The following VWDE variants were observed in gnomAD, a reference collection of about 807,000 sequenced individuals.
The protein encoded by VWDE is von Willebrand factor D and EGF domain-containing protein.
In VWDE, 207 loss-of-function variants were observed where a neutral mutation model predicts 178.4. The ratio of observed to expected loss-of-function variants is 1.16; its 90% confidence interval spans 1.04 to 1.30. The LOEUF (loss-of-function observed/expected upper bound fraction) is 1.30, where lower values mean the gene tolerates loss of function less well. Ranked by LOEUF, VWDE falls within the 50% of genes most tolerant of loss-of-function variation. The probability of loss-of-function intolerance (pLI) is 0.00; values close to 1 mark genes in which losing one functional copy is unlikely to be tolerated. For missense variants in VWDE, 2,287 were observed against 1,901.3 expected (o/e 1.20, Z -3.77); for synonymous variants, 738 against 651.4 (o/e 1.13, Z -2.02).
rs140913945 is a variant in VWDE, at chr7:12,394,114, C to G, written c.59-336G>C. ...CAAGTCACAGGACCTACAAGGATTTCTCTTGGGCCTGGTCCTCTGGATTTG... is the reference window on the plus strand; with the variant it reads ...CAAGTCACAGGACCTACAAGGATTTGTCTTGGGCCTGGTCCTCTGGATTTG... On this transcript the variant is annotated intron_variant, in intron 1 of 28. Transcript: ENST00000275358. Among the ~76,000 whole-genome samples, 882 of 152,282 alleles carry G rather than the reference C, an allele frequency of 5.8e-3. 5 individuals carry two copies. The highest frequency in any genetic ancestry group is 0.011 in the Non-Finnish European group (715 of 68,024).
At chr7:12,336,332 T>G in intron 26 of VWDE, 96 bp from the exon 27 acceptor site, 3 of 995,126 alleles carry the variant, frequency 3.0e-6, no homozygotes, top group Middle Eastern at 3.2e-4. Context: ...AAAAAAGAAA[T>G]AGTTACAAGT....
intron 9 of VWDE, among the ~76,000 whole-genome samples, chr7:12,373,550 C>T (rs569424985): frequency 1.8e-4 from 28 of 152,164 alleles, no homozygotes; most frequent in South Asian, 8.3e-4. Flanking sequence ...AATGGCTTTT[C>T]GTAACCACTC....
chr7:12,377,732 T>G (rs1481791346), intron 7 of VWDE, 44 bp downstream of exon 7: 1 of 1,255,264 alleles, frequency 8.0e-7, no homozygotes, highest in Admixed American at 3.2e-5. Flanking sequence ...AAAGCATTAT[T>G]GTTTGCAATC....
chr7:12,390,811 A>C (rs1174093170), intron 2 of VWDE, among the ~76,000 whole-genome samples: 1 of 152,026 alleles, frequency 6.6e-6, no homozygotes, highest in Admixed American at 6.5e-5. Context: ...AAAAATTATC[A>C]CTATGTTTTA....
intron 7 of VWDE, 25 bp from the exon 8 acceptor site, chr7:12,375,252 A>T: frequency 1.3e-6 from 2 of 1,521,158 alleles, no homozygotes; most frequent in Non-Finnish European, 1.8e-6. Context: ...AATAGGTTTA[A>T]AAATTTCCAA....
chr7:12,380,818 C>T lies in VWDE; in HGVS notation c.542-85G>A, dbSNP rs570540492. On this transcript the variant is annotated intron_variant, in intron 4 of 28. Transcript: ENST00000275358. ...GAAAAAGCACTCAAAGACTATAACT[C>T]TGTGGTTTATCTTAAGAAAAAGCAA... 44 of 1,450,052 alleles carry T rather than the reference C, an allele frequency of 3.0e-5. 1 individual carries two copies. Among genetic ancestry groups the T allele is most frequent in the Non-Finnish European group, 9.2e-7 (1 of 1,088,072 alleles). The allele number at this position is 1,450,052 out of a possible 1,614,324, so 89.8% of individuals were successfully genotyped here.
chr7:12,402,431 G>C (rs116964351), intron 1 of VWDE, among the ~76,000 whole-genome samples: 2 of 152,246 alleles, frequency 1.3e-5, no homozygotes, highest in Non-Finnish European at 2.9e-5. Flanking sequence ...TAAAGAACTT[G>C]ACAATGTTAC....
chr7:12,368,606 C>T (rs1186254845), intron 12 of VWDE, among the ~76,000 whole-genome samples: 2 of 152,062 alleles, frequency 1.3e-5, no homozygotes, highest in Non-Finnish European at 2.9e-5. Flanking sequence ...CTCAGACTAC[C>T]TAGGGTCTTC....
intron 24 of VWDE, among the ~76,000 whole-genome samples, chr7:12,338,549 A>T (rs1781158327): frequency 6.6e-6 from 1 of 152,146 alleles, no homozygotes; most frequent in Non-Finnish European, 1.5e-5. Context: ...GAAATAAATT[A>T]TTTATACAAA....
chr7:12,331,655 A>T (rs1014158296), intron 28 of VWDE, among the ~76,000 whole-genome samples: 6 of 152,116 alleles, frequency 3.9e-5, no homozygotes, highest in Non-Finnish European at 8.8e-5. Flanking sequence ...GGTACTTCAC[A>T]TATATTAACA....
Position 12,372,980 on chromosome 7 carries a change from G to C in VWDE, c.1584C>G (p.Val528=). 6.4e-7 allele frequency: 1 copy of C among 1,550,736 alleles called. No homozygotes were observed. Among genetic ancestry groups the C allele is most frequent in the Non-Finnish European group, 8.7e-7 (1 of 1,146,408 alleles). ...AATGTTAAAGAATCATACATACTGT[G>C]ACTTTTCTTCCTAAGTAAGATTCAC... ...KISESYLGRK[V]TIWFSSGAFI... Residue 528 remains valine (V), a synonymous_variant, in exon 10 of 29, where the codon GTC becomes GTG. Transcript: ENST00000275358.
rs1381732302 is a variant in VWDE, at chr7:12,380,620, T to G, written c.655A>C (p.Asn219His). The G allele has an allele frequency of 6.4e-7, 1 of 1,552,214 alleles. No homozygotes were observed. The highest frequency in any genetic ancestry group is 8.7e-7 in the Non-Finnish European group (1 of 1,147,158). ...RCSFDVPATK[N>H]SVGFHIAWSR... The stretch of plus-strand genomic sequence containing the variant: ...CAAGCTATGTGAAATCCCACTGAGT[T>G]TTTTGTAGCGGGAACATCAAAAGAA... Residue 219 changes from asparagine (N) to histidine (H), a missense_variant, in exon 5 of 29, where the codon AAC becomes CAC. Transcript: ENST00000275358.
intron 19 of VWDE, among the ~76,000 whole-genome samples, chr7:12,349,544 T>TA (rs1392824627): frequency 6.6e-6 from 1 of 151,558 alleles, no homozygotes. Flanking sequence ...TGCTTTCATA[T>TA]AAAAAGACAA....
At chr7:12,383,491 C>G (rs942352329) in intron 4 of VWDE, 45 bp downstream of exon 4, 13 of 1,374,788 alleles carry the variant, frequency 9.5e-6, no homozygotes, top group Non-Finnish European at 1.3e-5. Flanking sequence ...TTGAAATAGT[C>G]TAGTTTATAA....
chr7:12,401,150 A>C (rs12673085), intron 1 of VWDE, among the ~76,000 whole-genome samples: 27,397 of 152,096 alleles, frequency 0.18, 2,964 homozygotes, highest in Admixed American at 0.32. Flanking sequence ...AATCAGGAAT[A>C]AGACAAGTAT....
chr7:12,357,952 C>T (rs181845296), intron 16 of VWDE, among the ~76,000 whole-genome samples: 6 of 152,222 alleles, frequency 3.9e-5, no homozygotes, highest in Non-Finnish European at 8.8e-5. Context: ...ATGACTGCTC[C>T]GTTTCTTTGG....
At chr7:12,395,374 A>G (rs1402034344) in intron 1 of VWDE, among the ~76,000 whole-genome samples, 1 of 152,122 alleles carries the variant, frequency 6.6e-6, no homozygotes, top group African/African-American at 2.4e-5. Context: ...GTTTTCTCTG[A>G]TCTCTTTTCT....
intron 1 of VWDE, among the ~76,000 whole-genome samples, chr7:12,402,127 C>T (rs1784926650): frequency 6.6e-6 from 1 of 152,170 alleles, no homozygotes; most frequent in Admixed American, 6.5e-5. Flanking sequence ...TTAGTAATTC[C>T]TTATCGCTGG....
At chr7:12,377,985 G>T in intron 6 of VWDE, 65 bp from the exon 7 acceptor site, 2 of 1,240,062 alleles carry the variant, frequency 1.6e-6, no homozygotes, top group African/African-American at 3.1e-5. Flanking sequence ...GCACAGTTTT[G>T]AAAGGGCATT....
Sources: allele counts gnomAD v4.1 joint callset (sites outside exome capture counted in the v4.1 genomes callset), GRCh38; gene constraint gnomAD v4.1.1; transcripts MANE v1.5; gene names NCBI Gene and HGNC (gene_info 2026-07-23, HGNC 2026-07-21).